Variants in NCOA6 observed in about 807,000 individuals in gnomAD.
The protein encoded by NCOA6 is nuclear receptor coactivator 6.
A neutral mutation model predicts 171.4 loss-of-function variants in NCOA6; 49 were observed. That is an observed-to-expected ratio of 0.29 (90% CI 0.23 to 0.36). NCOA6 has a LOEUF of 0.36. Ranked by LOEUF, NCOA6 falls within the 10% of genes least tolerant of loss-of-function variation. The probability of loss-of-function intolerance (pLI) is 1.00; values close to 1 mark genes in which losing one functional copy is unlikely to be tolerated. For missense variants in NCOA6, 2,248 were observed against 2,554.5 expected, an observed-to-expected ratio of 0.88 and a Z score of 2.59; for synonymous variants, 910 against 927.5, an observed-to-expected ratio of 0.98 and a Z score of 0.34.
Position 34,757,738 on chromosome 20 carries a change from G to A in NCOA6, c.1010C>T (p.Thr337Ile). Residue 337 changes from threonine to isoleucine, a missense_variant, in exon 7 of 15, where the codon ACA becomes ATA. Thr to Ile is a moderately conservative substitution (Grantham distance 89). Transcript: ENST00000359003. ...QPPPAQGSLG[T>I]MTANQGWKKA... ...CTTCCACCCTTGGTTTGCAGTCATT[G>A]TGCCCAGAGAACCCTGGGCTGGAGG... The A allele has an allele frequency of 6.2e-7, 1 of 1,614,188 alleles. No homozygotes were observed. The highest frequency in any genetic ancestry group is 8.5e-7 in the Non-Finnish European group (1 of 1,180,028).
At chr20:34,802,972 G>A (rs1354911515) in intron 1 of NCOA6, among the ~76,000 whole-genome samples, 2 of 151,756 alleles carry the variant, frequency 1.3e-5, no homozygotes, top group African/African-American at 2.4e-5. Flanking sequence ...CACCATGCCC[G>A]GCTAATTTTC....
intron 14 of NCOA6, among the ~76,000 whole-genome samples, chr20:34,723,198 G>T (rs933289750): frequency 6.6e-6 from 1 of 152,144 alleles, no homozygotes; most frequent in Non-Finnish European, 1.5e-5. Context: ...CCTGGCATTG[G>T]AAGTGGGCAG....
chr20:34,790,921 GAT>G (rs2077860717), intron 2 of NCOA6, among the ~76,000 whole-genome samples: 1 of 152,186 alleles, frequency 6.6e-6, no homozygotes, highest in South Asian at 2.1e-4. Context: ...AAAGTGTTGG[GAT>G]ATCAGCCGTG....
chr20:34,825,118 C>A (rs970267893), intron 1 of NCOA6, among the ~76,000 whole-genome samples: 1 of 152,090 alleles, frequency 6.6e-6, no homozygotes, highest in Admixed American at 6.5e-5. Context: ...GACCGGCTCC[C>A]GCCTGTTCCC....
intron 3 of NCOA6, among the ~76,000 whole-genome samples, chr20:34,778,711 C>G (rs1245581818): frequency 1.3e-5 from 2 of 152,038 alleles, no homozygotes; most frequent in Non-Finnish European, 2.9e-5. Flanking sequence ...CAGGCATGAG[C>G]CACCACACCC....
chr20:34,810,250 C>A (rs1239917301), intron 1 of NCOA6, among the ~76,000 whole-genome samples: 1 of 152,208 alleles, frequency 6.6e-6, no homozygotes, highest in Non-Finnish European at 1.5e-5. Flanking sequence ...GTCAAGGTTA[C>A]ATGATTTGTC....
chr20:34,785,767 A>G (rs1395597343), intron 2 of NCOA6, among the ~76,000 whole-genome samples: 2 of 152,134 alleles, frequency 1.3e-5, no homozygotes. Flanking sequence ...GTCTCCCTAA[A>G]CAGGTCGTTG....
intron 8 of NCOA6, among the ~76,000 whole-genome samples, chr20:34,751,259 A>G (rs2145726901): frequency 6.8e-6 from 1 of 146,466 alleles, no homozygotes; most frequent in Non-Finnish European, 1.5e-5. Context: ...AGTCCCAGCT[A>G]CTCGGGAGGC....
At position 34,738,586 on chromosome 20, in the gene NCOA6, A is replaced by C. The variant is rs554154534; in HGVS notation, c.5893+1777T>G. On this transcript the variant is annotated intron_variant, in intron 11 of 14. Transcript: ENST00000359003. Reference sequence around the variant, plus strand: ...AGACTGTCTCTTGTAAGAGCAGCAGACTTCTTGAAGGCCTTTATCCTGCCC... The same window carrying C: ...AGACTGTCTCTTGTAAGAGCAGCAGCCTTCTTGAAGGCCTTTATCCTGCCC... Among the ~76,000 whole-genome samples the C allele has an allele frequency of 7.9e-5, 12 of 152,332 alleles. No individual in the cohort carries two copies. The South Asian group carries it at 2.5e-3, about 32-fold the overall frequency.
intron 12 of NCOA6, among the ~76,000 whole-genome samples, chr20:34,735,400 C>T (rs1339583415): frequency 1.3e-5 from 2 of 152,104 alleles, no homozygotes; most frequent in Non-Finnish European, 2.9e-5. Flanking sequence ...AATCCCAGCA[C>T]TTTGGGAGGA....
chr20:34,728,287 C>T (rs1390937594), intron 13 of NCOA6, among the ~76,000 whole-genome samples: 1 of 152,140 alleles, frequency 6.6e-6, no homozygotes, highest in Non-Finnish European at 1.5e-5. Flanking sequence ...CACACCCCAA[C>T]CCCCTTTTCT....
chr20:34,754,133 T>C (rs979079789), intron 8 of NCOA6, among the ~76,000 whole-genome samples: 3 of 152,250 alleles, frequency 2.0e-5, no homozygotes, highest in Admixed American at 6.5e-5. Context: ...TAAACCAGAA[T>C]TCAGACACTC....
chr20:34,715,188 G>T lies in NCOA6; in HGVS notation c.*134C>A. ...CCCATTGCACTTTATGAAACAGGTTGCAGGGACTAGGAAAAGGGCCACATT... is the reference window on the plus strand; with the variant it reads ...CCCATTGCACTTTATGAAACAGGTTTCAGGGACTAGGAAAAGGGCCACATT... On this transcript the variant is annotated 3_prime_UTR_variant, in exon 15 of 15. Transcript: ENST00000359003. The T allele has an allele frequency of 1.7e-6, 2 of 1,143,634 alleles. No homozygotes were observed. The highest frequency in any genetic ancestry group is 2.6e-6 in the Non-Finnish European group (2 of 782,158). 70.8% of individuals were successfully genotyped at this position (1,143,634 alleles called of 1,614,324 possible). A position where few individuals can be genotyped will look rare whatever the true frequency, so the allele number is the denominator to read the frequency against.
chr20:34,775,689 A>AAG (rs1568830452), intron 4 of NCOA6, among the ~76,000 whole-genome samples: 6 of 103,570 alleles, frequency 5.8e-5, no homozygotes, highest in Admixed American at 1.2e-4. Flanking sequence ...AAAAAAAAAA[A>AAG]AAAGAAAAAA....
At chr20:34,754,551 C>G (rs973689096) in intron 8 of NCOA6, among the ~76,000 whole-genome samples, 171 bp downstream of exon 8, 17 of 152,158 alleles carry the variant, frequency 1.1e-4, no homozygotes, top group African/African-American at 3.6e-4. Context: ...GACATTTTAC[C>G]TACTTTTGAT....
chr20:34,732,821 ATC>A, intron 12 of NCOA6: 1 of 420,552 alleles, frequency 2.4e-6, no homozygotes, highest in East Asian at 4.0e-5. Context: ...TGGTGAAATA[ATC>A]TGTTTGGATT....
intron 13 of NCOA6, among the ~76,000 whole-genome samples, chr20:34,730,863 TACCAC>T (rs1990526371): frequency 6.6e-6 from 1 of 151,486 alleles, no homozygotes; most frequent in Non-Finnish European, 1.5e-5. Context: ...TACAGGCACA[TACCAC>T]TATGCCCAGC....
intron 13 of NCOA6, among the ~76,000 whole-genome samples, chr20:34,728,199 G>A (rs1028418596): frequency 6.6e-6 from 1 of 152,016 alleles, no homozygotes; most frequent in Admixed American, 6.6e-5. Flanking sequence ...TAATGATCCC[G>A]GTAGAGTCAG....
At chr20:34,731,810 C>A (rs1038196803) in intron 13 of NCOA6, among the ~76,000 whole-genome samples, 1 of 152,160 alleles carries the variant, frequency 6.6e-6, no homozygotes, top group African/African-American at 2.4e-5. Context: ...CACTTGAGGT[C>A]AGGAGTTCAA....
Sources: gnomAD v4.1 joint callset for allele counts (sites outside exome capture counted in the v4.1 genomes callset) on GRCh38, gnomAD v4.1.1 for gene constraint, MANE v1.5 for transcripts, NCBI Gene and HGNC (gene_info 2026-07-23, HGNC 2026-07-21) for gene names.